The following PKN2 variants were observed in gnomAD, a reference collection of about 807,000 sequenced individuals.
PKN2 encodes the protein serine/threonine-protein kinase N2.
PKN2 carries 38 observed loss-of-function variants against 119.1 expected under a neutral mutation model. The observed-to-expected ratio is 0.32, with a 90% CI of 0.25 to 0.42. The LOEUF is 0.42. Among genes scored for constraint, PKN2 ranks in the 10% least tolerant of loss-of-function variants. The pLI is 1.00. For synonymous variants in PKN2, 390 were observed against 384.9 expected (o/e 1.01, Z -0.15); for missense variants, 850 against 1,165.1 (o/e 0.73, Z 3.94).
intron 1 of PKN2, among the ~76,000 whole-genome samples, chr1:88,714,833 G>T (rs1557559247): frequency 6.6e-6 from 1 of 152,108 alleles, no homozygotes; most frequent in African/African-American, 2.4e-5. Context: ...GTGAGAGAGG[G>T]CATCCCTGTC....
At chr1:88,775,175 G>A (rs1225016070) in intron 6 of PKN2, among the ~76,000 whole-genome samples, 1 of 152,032 alleles carries the variant, frequency 6.6e-6, no homozygotes, top group African/African-American at 2.4e-5. Flanking sequence ...TGTTGCCCAG[G>A]CTGGTCTTCA....
intron 1 of PKN2, among the ~76,000 whole-genome samples, chr1:88,688,346 A>G (rs953108372): frequency 6.6e-6 from 1 of 152,060 alleles, no homozygotes; most frequent in Non-Finnish European, 1.5e-5. Flanking sequence ...CGGCCTCCCA[A>G]AGTGCTGGGA....
chr1:88,745,087 C>T (rs1305023116), intron 2 of PKN2, among the ~76,000 whole-genome samples: 1 of 152,008 alleles, frequency 6.6e-6, no homozygotes, highest in Non-Finnish European at 1.5e-5. Context: ...ATTCTATGAA[C>T]AAATTAGGTA....
rs184165138 is a variant in PKN2, at chr1:88,729,253, A to G, written c.49-11735A>G. ...TGTTATCCAGTAGGAGTCCACAGAA[A>G]GTAATCGATAATAATTGTATTTGAA... On this transcript the variant is annotated intron_variant, in intron 1 of 21. Transcript: ENST00000370521. 2.6e-5 allele frequency among the ~76,000 whole-genome samples: 4 copies of G among 152,342 alleles called. No homozygotes were observed. In the East Asian group the frequency reaches 7.7e-4, roughly 29 times the overall value.
chr1:88,709,412 C>T (rs967707456), intron 1 of PKN2, among the ~76,000 whole-genome samples: 4 of 152,006 alleles, frequency 2.6e-5, no homozygotes, highest in African/African-American at 9.7e-5. Flanking sequence ...TAAAATATGG[C>T]AGGGGAAGAT....
chr1:88,822,596 T>G (rs914703625), intron 17 of PKN2, among the ~76,000 whole-genome samples: 11 of 151,172 alleles, frequency 7.3e-5, no homozygotes, highest in African/African-American at 2.7e-4. Context: ...TTTTTTTTTT[T>G]GAGACGGAGT....
Position 88,684,467 on chromosome 1 carries a change from GTT to G in PKN2, c.-102_-101del, listed in dbSNP as rs553554095. The G allele has an allele frequency of 1.0e-3, 652 of 651,908 alleles. No individual in the cohort carries two copies. Among genetic ancestry groups the G allele is most frequent in the Middle Eastern group, 2.2e-3 (6 of 2,730 alleles). 40.4% of individuals were successfully genotyped at this position (651,908 alleles called of 1,614,324 possible). A position where few individuals can be genotyped will look rare whatever the true frequency, so the allele number is the denominator to read the frequency against. On this transcript the variant is annotated 5_prime_UTR_variant, in exon 1 of 22. Coordinates refer to ENST00000370521, the MANE Select transcript of PKN2 (RefSeq NM_006256.4). ...GCTGCGCCTCCATGAATCCCTAGTTGTTTTTTTTTTTTTCTTTCTCTCCCCTC... is the reference window on the plus strand; with the variant it reads ...GCTGCGCCTCCATGAATCCCTAGTTGTTTTTTTTTTTCTTTCTCTCCCCTC...
chr1:88,733,899 C>T (rs1668238441), intron 1 of PKN2, among the ~76,000 whole-genome samples: 1 of 152,156 alleles, frequency 6.6e-6, no homozygotes, highest in Non-Finnish European at 1.5e-5. Context: ...TGGCTCACGC[C>T]TATAATCCCA....
intron 1 of PKN2, among the ~76,000 whole-genome samples, chr1:88,729,189 C>T (rs1399252798): frequency 2.0e-5 from 3 of 152,166 alleles, no homozygotes; most frequent in African/African-American, 7.2e-5. Context: ...CCACTGCGCC[C>T]AGCCAACATT....
intron 1 of PKN2, among the ~76,000 whole-genome samples, chr1:88,692,990 A>G (rs768771898): frequency 1.5e-4 from 23 of 152,238 alleles, no homozygotes; most frequent in Non-Finnish European, 2.8e-4. Context: ...ATGAACAGCC[A>G]TAGGAAGTTG....
intron 1 of PKN2, among the ~76,000 whole-genome samples, chr1:88,712,167 A>G (rs1667262646): frequency 6.6e-6 from 1 of 152,170 alleles, no homozygotes; most frequent in Non-Finnish European, 1.5e-5. Flanking sequence ...ATACATTTTT[A>G]AAGCAAGTTA....
chr1:88,741,337 AT>A (rs752241910), intron 2 of PKN2, 49 bp downstream of exon 2: 18 of 1,197,010 alleles, frequency 1.5e-5, no homozygotes, highest in Middle Eastern at 3.0e-4. Context: ...AATAAAAAAA[AT>A]GTATCTTTTT....
At chr1:88,789,401 C>CT (rs770304698) in intron 8 of PKN2, among the ~76,000 whole-genome samples, 8 of 152,106 alleles carry the variant, frequency 5.3e-5, no homozygotes, top group Non-Finnish European at 1.2e-4. Flanking sequence ...GTAGCTTATG[C>CT]TTGTAATCCC....
intron 3 of PKN2, among the ~76,000 whole-genome samples, chr1:88,761,721 T>C (rs560172059): frequency 2.0e-5 from 3 of 152,234 alleles, no homozygotes; most frequent in South Asian, 2.1e-4. Context: ...TTTTATGTTA[T>C]ATTTCAAAAG....
In PKN2 at chr1:88,771,583, A is replaced by G. The variant is rs776990970; in HGVS notation, c.768+17A>G. On this transcript the variant is annotated intron_variant, in intron 5 of 21. Coordinates refer to ENST00000370521, the MANE Select transcript of PKN2 (RefSeq NM_006256.4). ...CTTTCAGAAGTAATTTTAAATAAAA[A>G]TTTTTATTTGGTTTAATAAATACAT... The G allele has an allele frequency of 6.4e-7, 1 of 1,563,190 alleles. No homozygotes were observed. The highest frequency in any genetic ancestry group is 8.6e-7 in the Non-Finnish European group (1 of 1,156,790).
chr1:88,820,658 A>G (rs1031546354), intron 16 of PKN2, among the ~76,000 whole-genome samples: 8 of 152,224 alleles, frequency 5.3e-5, no homozygotes, highest in Non-Finnish European at 1.0e-4. Flanking sequence ...AGTTTGGAAT[A>G]ACATTAAAGT....
chr1:88,821,907 T>A (rs745382712), intron 16 of PKN2, 34 bp from the exon 17 acceptor site: 1 of 1,503,804 alleles, frequency 6.6e-7, no homozygotes, highest in Non-Finnish European at 8.9e-7. Flanking sequence ...CAATAAAATT[T>A]ATTAAACTCC....
intron 1 of PKN2, among the ~76,000 whole-genome samples, chr1:88,721,374 T>G (rs1667675972): frequency 6.6e-6 from 1 of 152,170 alleles, no homozygotes; most frequent in Non-Finnish European, 1.5e-5. Context: ...CCCTTTGTTC[T>G]TAAGGGTCTC....
chr1:88,746,601 G>A (rs1668779315), intron 2 of PKN2, among the ~76,000 whole-genome samples: 1 of 152,020 alleles, frequency 6.6e-6, no homozygotes, highest in Admixed American at 6.6e-5. Context: ...CAAAAAAATG[G>A]AAGGTAAGTG....
Sources: gnomAD v4.1 joint callset for allele counts (sites outside exome capture counted in the v4.1 genomes callset) on GRCh38, gnomAD v4.1.1 for gene constraint, MANE v1.5 for transcripts, NCBI Gene and HGNC (gene_info 2026-07-23, HGNC 2026-07-21) for gene names.